Variants in OXSR1 observed in about 807,000 individuals in gnomAD.
OXSR1 encodes the protein oxidative stress responsive kinase 1.
OXSR1 carries 24 observed loss-of-function variants against 79.8 expected under a neutral mutation model. That is an observed-to-expected ratio of 0.30 (90% CI 0.22 to 0.42). The LOEUF (loss-of-function observed/expected upper bound fraction) is 0.42, where lower values mean the gene tolerates loss of function less well. OXSR1 is among the 10% of genes least tolerant of loss of function. OXSR1 has a pLI of 1.00. For synonymous variants in OXSR1, 226 were observed against 209.2 expected (o/e 1.08, Z -0.69); for missense variants, 430 against 618.4 (o/e 0.70, Z 3.23).
chr3:38,221,738 C>A, intron 6 of OXSR1, 51 bp downstream of exon 6: 2 of 1,075,788 alleles, frequency 1.9e-6, no homozygotes, highest in Non-Finnish European at 2.8e-6. Flanking sequence ...TGTTTTGAAA[C>A]TGAAAAAACT....
intron 7 of OXSR1, 144 bp downstream of exon 7, chr3:38,224,057 T>C (rs1559519518): frequency 1.8e-6 from 1 of 560,872 alleles, no homozygotes; most frequent in Admixed American, 3.4e-5. Flanking sequence ...TTTGAATATA[T>C]AGTTCAATGG....
rs1261453820 is a variant in OXSR1, at chr3:38,168,121, A to G, written c.70+2175A>G. Among the ~76,000 whole-genome samples, 9 of 152,330 alleles carry G rather than the reference A, an allele frequency of 5.9e-5. No individual in the cohort carries two copies. In the South Asian group the frequency reaches 1.0e-3, roughly 18 times the overall value. On this transcript the variant is annotated intron_variant, in intron 1 of 17. Transcript: ENST00000311806. The stretch of plus-strand genomic sequence containing the variant: ...TAGGGTTAGTGTTCCTCACATTCAC[A>G]AAGTGGTCCATGGTTTTTAAAAGGT...
intron 11 of OXSR1, among the ~76,000 whole-genome samples, chr3:38,238,819 G>C (rs1262268782): frequency 1.3e-5 from 2 of 151,870 alleles, no homozygotes; most frequent in Non-Finnish European, 2.9e-5. Flanking sequence ...CTTGGGGTTT[G>C]TTGAGCTTCT....
intron 15 of OXSR1, chr3:38,250,269 T>G (rs1304694117): frequency 4.9e-6 from 2 of 407,702 alleles, no homozygotes; most frequent in African/African-American, 2.1e-5. Context: ...AGGCCAGGCA[T>G]TGTCTTAAGC....
intron 5 of OXSR1, 48 bp from the exon 6 acceptor site, chr3:38,221,530 A>G (rs1362286801): frequency 7.3e-6 from 7 of 955,830 alleles, no homozygotes; most frequent in South Asian, 1.3e-5. Flanking sequence ...CTATTCATTT[A>G]TGATAGTTGA....
chr3:38,195,274 T>C (rs375699853), intron 3 of OXSR1, among the ~76,000 whole-genome samples: 75 of 152,310 alleles, frequency 4.9e-4, no homozygotes, highest in African/African-American at 1.8e-3. Context: ...AGAAATCTAA[T>C]GTAAATTCAC....
chr3:38,245,931 A>ATTCG, intron 12 of OXSR1, 144 bp from the exon 13 acceptor site: 1 of 648,820 alleles, frequency 1.5e-6, no homozygotes, highest in Admixed American at 2.5e-5. Context: ...CGTTTGGAAT[A>ATTCG]GATATATTCG....
At chr3:38,179,207 T>A (rs1187026172) in intron 1 of OXSR1, among the ~76,000 whole-genome samples, 2 of 152,040 alleles carry the variant, frequency 1.3e-5, no homozygotes, top group Admixed American at 6.6e-5. Context: ...AATTTTGTAT[T>A]TTTGTAGGGA....
At chr3:38,192,855 C>T (rs1702007903) in intron 3 of OXSR1, among the ~76,000 whole-genome samples, 1 of 152,160 alleles carries the variant, frequency 6.6e-6, no homozygotes. Context: ...TTTTTGCTTG[C>T]ATGTGTATTT....
chr3:38,216,828 T>C (rs1702491016), intron 5 of OXSR1, among the ~76,000 whole-genome samples: 1 of 152,184 alleles, frequency 6.6e-6, no homozygotes, highest in African/African-American at 2.4e-5. Context: ...TTTAAGAAGA[T>C]AATTTAGGCG....
chr3:38,177,382 A>C (rs1051632892), intron 1 of OXSR1, among the ~76,000 whole-genome samples: 1 of 152,250 alleles, frequency 6.6e-6, no homozygotes, highest in African/African-American at 2.4e-5. Flanking sequence ...TCTGTCTTAC[A>C]CACATAACAA....
intron 11 of OXSR1, among the ~76,000 whole-genome samples, chr3:38,238,251 T>C (rs1332154957): frequency 2.6e-5 from 4 of 152,104 alleles, no homozygotes; most frequent in African/African-American, 9.7e-5. Flanking sequence ...AGAACATGAG[T>C]CTTTTAAAAC....
chr3:38,185,848 G>C (rs945935935), intron 2 of OXSR1, among the ~76,000 whole-genome samples: 5 of 149,742 alleles, frequency 3.3e-5, no homozygotes, highest in Non-Finnish European at 5.9e-5. Context: ...GGGAGGCTGA[G>C]GTGGCAAGAT....
intron 12 of OXSR1, 53 bp downstream of exon 12, chr3:38,242,831 G>A (rs1182400217): frequency 8.8e-7 from 1 of 1,135,532 alleles, no homozygotes; most frequent in Middle Eastern, 2.0e-4. Flanking sequence ...CTTTTGTTTT[G>A]GTTTCAATTC....
intron 1 of OXSR1, among the ~76,000 whole-genome samples, chr3:38,179,293 G>C (rs1180013534): frequency 6.6e-6 from 1 of 152,078 alleles, no homozygotes. Context: ...GCCTCCCGAA[G>C]TGCTGGGATT....
At chr3:38,227,914 CAG>C (rs1702725176) in intron 8 of OXSR1, among the ~76,000 whole-genome samples, 1 of 152,190 alleles carries the variant, frequency 6.6e-6, no homozygotes, top group South Asian at 2.1e-4. Flanking sequence ...GTGAAATGCT[CAG>C]AGAAAATGCA....
Position 38,190,600 on chromosome 3 carries a change from A to G in OXSR1, c.184-131A>G, listed in dbSNP as rs1701964984. The G allele has an allele frequency of 9.9e-6, 6 of 606,802 alleles. No homozygotes were observed. The South Asian group carries it at 1.3e-4, about 13-fold the overall frequency. The allele number at this position is 606,802 out of a possible 1,614,324, so 37.6% of individuals were successfully genotyped here. ...GTTTTATTGGTTTAACCCTTCTTGA[A>G]GAAATCAGAGCCATGGAGATCCCAG... On this transcript the variant is annotated intron_variant, in intron 2 of 17. Coordinates refer to ENST00000311806, the MANE Select transcript of OXSR1 (RefSeq NM_005109.3).
chr3:38,244,547 C>A (rs886470641), intron 12 of OXSR1, among the ~76,000 whole-genome samples: 1 of 151,734 alleles, frequency 6.6e-6, no homozygotes, highest in Non-Finnish European at 1.5e-5. Context: ...TTGTGACCGG[C>A]CTATTTCACT....
rs554415414 is a variant in OXSR1, at chr3:38,195,836, CAG to C, written c.293-2885_293-2884del. Among the ~76,000 whole-genome samples, 328 of 152,250 alleles carry C rather than the reference CAG, an allele frequency of 2.2e-3. 1 individual carries two copies. The highest frequency in any genetic ancestry group is 7.2e-3 in the African/African-American group (298 of 41,554). On this transcript the variant is annotated intron_variant, in intron 3 of 17. Transcript: ENST00000311806. Reference sequence around the variant, plus strand: ...CCATGCCACAGGCTATGAAGCCTGACAGGGGATTATTTTTTGGGAATAGATGA... The same window carrying C: ...CCATGCCACAGGCTATGAAGCCTGACGGGATTATTTTTTGGGAATAGATGA...
Sources: gnomAD v4.1 joint callset for allele counts (sites outside exome capture counted in the v4.1 genomes callset) on GRCh38, gnomAD v4.1.1 for gene constraint, MANE v1.5 for transcripts, NCBI Gene and HGNC (gene_info 2026-07-23, HGNC 2026-07-21) for gene names.